PDE1A: variants seen among roughly 807,000 people sequenced by gnomAD.
The protein encoded by PDE1A is dual specificity calcium/calmodulin-dependent 3',5'-cyclic nucleotide phosphodiesterase 1A.
PDE1A carries 35 observed loss-of-function variants against 61.7 expected under a neutral mutation model. That is an observed-to-expected ratio of 0.57 (90% CI 0.43 to 0.75). The LOEUF (loss-of-function observed/expected upper bound fraction) is 0.75. PDE1A is among the 30% of genes least tolerant of loss of function. PDE1A has a pLI of 0.00. For synonymous variants in PDE1A, 232 were observed against 213.2 expected, an observed-to-expected ratio of 1.09 and a Z score of -0.77; for missense variants, 597 against 630.6, an observed-to-expected ratio of 0.95 and a Z score of 0.57.
chr2:182,380,267 C>T (rs143742106), intron 1 of PDE1A, among the ~76,000 whole-genome samples: 219 of 152,164 alleles, frequency 1.4e-3, no homozygotes, highest in African/African-American at 5.0e-3. Flanking sequence ...CCTGCCACCA[C>T]GCCAGGCTAC....
At chr2:182,569,195 G>A in the PDE1A span, among the ~76,000 whole-genome samples, 1 of 150,806 alleles carries the variant, frequency 6.6e-6, no homozygotes, top group Non-Finnish European at 1.5e-5. Context: ...CAAGGCTGCA[G>A]TGAGCCGAGA....
At chr2:182,176,904 G>A (rs879664647) in intron 13 of PDE1A, among the ~76,000 whole-genome samples, 2,053 of 149,580 alleles carry the variant, frequency 0.014, 50 homozygotes, top group African/African-American at 0.048. Flanking sequence ...AAGAGTTGTT[G>A]AATTTTGTCA....
At chr2:182,522,524 G>A (rs1021761269) in intron 1 of PDE1A, 2 of 1,453,916 alleles carry the variant, frequency 1.4e-6, no homozygotes, top group Non-Finnish European at 1.8e-6. Flanking sequence ...GGAAGACTCT[G>A]ACAGATTTGC....
intron 13 of PDE1A, among the ~76,000 whole-genome samples, chr2:182,149,445 A>T (rs887537902): frequency 6.6e-6 from 1 of 152,210 alleles, no homozygotes; most frequent in Admixed American, 6.5e-5. Flanking sequence ...ATTAAAAACT[A>T]TGATAAACTC....
At chr2:182,471,148 C>T (rs1217379734) in intron 2 of PDE1A, among the ~76,000 whole-genome samples, 2 of 151,722 alleles carry the variant, frequency 1.3e-5, no homozygotes, top group Non-Finnish European at 2.9e-5. Flanking sequence ...AAAATATTAT[C>T]TAAAGCCATC....
chr2:182,192,785 C>G (rs889050420), intron 10 of PDE1A, among the ~76,000 whole-genome samples: 2 of 151,970 alleles, frequency 1.3e-5, no homozygotes, highest in African/African-American at 4.8e-5. Context: ...TTTACAATTC[C>G]CTGGAGATCC....
chr2:182,420,335 A>T (rs1003833019), intron 1 of PDE1A, among the ~76,000 whole-genome samples: 6 of 152,132 alleles, frequency 3.9e-5, no homozygotes, highest in African/African-American at 1.4e-4. Context: ...ATCCAAATTT[A>T]ATTTAATGAT....
At chr2:182,394,648 A>AATTAATGG (rs534256046) in intron 1 of PDE1A, among the ~76,000 whole-genome samples, 100 of 152,344 alleles carry the variant, frequency 6.6e-4, no homozygotes, top group African/African-American at 2.3e-3. Flanking sequence ...AATGTCAGGT[A>AATTAATGG]ATTAATGGAT....
chr2:182,664,692 C>A, the PDE1A span, among the ~76,000 whole-genome samples: 1 of 152,098 alleles, frequency 6.6e-6, no homozygotes, highest in Non-Finnish European at 1.5e-5. Context: ...ATCTAAATAA[C>A]CAGGTGTCTG....
intron 2 of PDE1A, among the ~76,000 whole-genome samples, chr2:182,497,928 C>T (rs570834983): frequency 1.3e-5 from 2 of 151,866 alleles, no homozygotes; most frequent in South Asian, 2.1e-4. Context: ...CACCTGTAGT[C>T]CCAGCTACTC....
chr2:182,676,115 A>G, the PDE1A span, among the ~76,000 whole-genome samples: 1 of 151,982 alleles, frequency 6.6e-6, no homozygotes, highest in East Asian at 1.9e-4. Context: ...AATTCAGACC[A>G]AAAAAAACCA....
chr2:182,662,736 C>G, the PDE1A span, among the ~76,000 whole-genome samples: 1 of 152,046 alleles, frequency 6.6e-6, no homozygotes, highest in East Asian at 1.9e-4. Flanking sequence ...CCCTGGAAGA[C>G]AACCTAGGCA....
chr2:182,199,233 G>T (rs759110582), intron 10 of PDE1A, among the ~76,000 whole-genome samples: 1 of 151,724 alleles, frequency 6.6e-6, no homozygotes, highest in Non-Finnish European at 1.5e-5. Flanking sequence ...GATCCTGCAA[G>T]TAATTTCATT....
chr2:182,435,036 T>C (rs62188266), intron 2 of PDE1A, among the ~76,000 whole-genome samples: 27,130 of 151,644 alleles, frequency 0.18, 2,772 homozygotes, highest in Middle Eastern at 0.35. Flanking sequence ...AGTGTAGGAG[T>C]AGGTAGGTTA....
chr2:182,493,440 C>T (rs1044110344), intron 2 of PDE1A, among the ~76,000 whole-genome samples: 1 of 152,142 alleles, frequency 6.6e-6, no homozygotes, highest in Admixed American at 6.5e-5. Flanking sequence ...CGCCTCCTCA[C>T]CCCGTGACAG....
At position 182,379,541 on chromosome 2, in the gene PDE1A, C is replaced by T. The variant is rs1700607380; in HGVS notation, c.53+47037G>A. Among the ~76,000 whole-genome samples, 3 of 152,240 alleles carry T rather than the reference C, an allele frequency of 2.0e-5. No individual in the cohort carries two copies. The South Asian group carries it at 6.2e-4, about 32-fold the overall frequency. On this transcript the variant is annotated intron_variant, in intron 1 of 13. Coordinates refer to ENST00000351439, the Ensembl canonical transcript of PDE1A. ...CAAGTTCCATCTGGCTGAACTTTAA[C>T]AGCACAAACAGGAATAAAGCAGTAC...
chr2:182,532,783 C>T, the PDE1A span, among the ~76,000 whole-genome samples: 108,649 of 150,754 alleles, frequency 0.72, 41,716 homozygotes, highest in East Asian at 0.99. Context: ...CCCGTCTCTA[C>T]CAAAAATACA....
chr2:182,290,837 A>G (rs16823010), intron 1 of PDE1A, among the ~76,000 whole-genome samples: 35,746 of 151,708 alleles, frequency 0.24, 4,446 homozygotes, highest in East Asian at 0.42. Flanking sequence ...TAGAATTTTA[A>G]CCAATAACTT....
the PDE1A span, among the ~76,000 whole-genome samples, chr2:182,564,297 T>C: frequency 7.2e-5 from 11 of 152,128 alleles, no homozygotes; most frequent in Non-Finnish European, 1.5e-4. Flanking sequence ...AGTATTTTAT[T>C]TCTCCTTCAC....
Sources: gnomAD v4.1 joint callset for allele counts (sites outside exome capture counted in the v4.1 genomes callset) on GRCh38, gnomAD v4.1.1 for gene constraint, MANE v1.5 for transcripts, NCBI Gene and HGNC (gene_info 2026-07-23, HGNC 2026-07-21) for gene names.